The following ITIH5 variants were observed in gnomAD, a reference collection of about 807,000 sequenced individuals.
ITIH5 encodes inter-alpha-trypsin inhibitor heavy chain H5.
A neutral mutation model predicts 77.5 loss-of-function variants in ITIH5; 65 were observed. That is an observed-to-expected ratio of 0.84 (90% CI 0.69 to 1.03). The LOEUF is 1.03. Among genes scored for constraint, ITIH5 ranks in the 50% least tolerant of loss-of-function variants. The pLI, the probability that ITIH5 is intolerant of heterozygous loss-of-function variation, is 0.00. For synonymous variants in ITIH5, 525 were observed against 494.3 expected (o/e 1.06, Z -0.82); for missense variants, 1,208 against 1,213.1 (o/e 1.00, Z 0.06).
intron 7 of ITIH5, chr10:7,609,448 T>A (rs1833196845): frequency 2.2e-6 from 1 of 456,696 alleles, no homozygotes; most frequent in Non-Finnish European, 4.4e-6. Flanking sequence ...AATATCCAAA[T>A]AGCCCTTGGG....
chr10:7,620,786 GGA>G (rs1288307405), intron 5 of ITIH5: 2 of 152,170 alleles, frequency 1.3e-5, no homozygotes, highest in African/African-American at 4.8e-5. Context: ...TTAGGACCAG[GGA>G]GAGAGTTTCC....
intron 7 of ITIH5, among the ~76,000 whole-genome samples, chr10:7,593,465 ACCCCTGC>A (rs1832836278): frequency 3.3e-4 from 4 of 12,242 alleles, no homozygotes; most frequent in African/African-American, 7.3e-4. Context: ...AGCCCCACTC[ACCCCTGC>A]AGCCTGCAGC....
At chr10:7,618,938 G>C (rs1405585478) in intron 5 of ITIH5, 1 of 152,188 alleles carries the variant, frequency 6.6e-6, no homozygotes, top group Non-Finnish European at 1.5e-5. Flanking sequence ...TCTATTATTT[G>C]CACTTATCAA....
At chr10:7,630,311 G>A (rs777763228) in intron 5 of ITIH5, among the ~76,000 whole-genome samples, 4 of 152,200 alleles carry the variant, frequency 2.6e-5, no homozygotes, top group Non-Finnish European at 5.9e-5. Flanking sequence ...GTGATATTAG[G>A]TTTTCAGCAT....
At chr10:7,592,304 A>G (rs1028265000) in intron 7 of ITIH5, among the ~76,000 whole-genome samples, 2 of 152,234 alleles carry the variant, frequency 1.3e-5, no homozygotes, top group Admixed American at 6.5e-5. Context: ...CACACTGGAC[A>G]GGGAGTTCCT....
chr10:7,622,864 T>C (rs1833496582), intron 5 of ITIH5, among the ~76,000 whole-genome samples: 1 of 152,234 alleles, frequency 6.6e-6, no homozygotes, highest in Non-Finnish European at 1.5e-5. Context: ...CTCCAAGGAC[T>C]CTAAAGAAAG....
At position 7,566,179 on chromosome 10, in the gene ITIH5, T is replaced by C; in HGVS notation, c.2378A>G (p.Asn793Ser). 1 of 1,613,992 alleles carries C rather than the reference T, an allele frequency of 6.2e-7. No individual in the cohort carries two copies. Among genetic ancestry groups the C allele is most frequent in the Non-Finnish European group, 8.5e-7 (1 of 1,179,992 alleles). ...SWGLEVSVSA[N>S]ANVTVTIQGS... is the part of the protein sequence containing the mutation. Reference sequence around the variant, plus strand: ...CTGGATGGTGACGGTGACATTGGCGTTGGCAGACACGGACACCTCCAGCCC... The same window carrying C: ...CTGGATGGTGACGGTGACATTGGCGCTGGCAGACACGGACACCTCCAGCCC... Residue 793 changes from asparagine to serine, a missense_variant, in exon 13 of 14, where the codon AAC becomes AGC. By Grantham distance (46) the Asn-to-Ser change is conservative (BLOSUM62 1). Transcript: ENST00000397146.
At chr10:7,663,046 C>T (rs193050117) in intron 1 of ITIH5, among the ~76,000 whole-genome samples, 1 of 152,314 alleles carries the variant, frequency 6.6e-6, no homozygotes, top group Admixed American at 6.5e-5. Context: ...ATATATTGCA[C>T]ATCACCTATG....
chr10:7,590,874 G>GC (rs1358022438), intron 7 of ITIH5, among the ~76,000 whole-genome samples: 2 of 152,130 alleles, frequency 1.3e-5, no homozygotes, highest in African/African-American at 2.4e-5. Context: ...GCCCCTCGCT[G>GC]CCCTCAGCAT....
intron 8 of ITIH5, among the ~76,000 whole-genome samples, chr10:7,581,764 G>A (rs1336357780): frequency 1.1e-5 from 1 of 91,126 alleles, no homozygotes; most frequent in Non-Finnish European, 2.0e-5. Flanking sequence ...GTCTCACTAT[G>A]TTGCCCAGGC....
chr10:7,576,739 GC>G lies in ITIH5; in HGVS notation c.1691del (p.Gly564AlafsTer23). 1 of 1,613,838 alleles carries G rather than the reference GC, an allele frequency of 6.2e-7. No individual in the cohort carries two copies. The highest frequency in any genetic ancestry group is 1.1e-5 in the South Asian group (1 of 91,046). On this transcript the variant is annotated frameshift_variant, in exon 10 of 14. Coordinates refer to ENST00000397146, the MANE Select transcript of ITIH5 (RefSeq NM_030569.7). LOFTEE classifies it high-confidence loss of function. ...TGTGGTTGGTGTCCCCCTCTCCATC[GC>G]CTCCAGGCCTGGGGCTTCCTGTGAC... ...KDVTGSPRPGGDGEGDTNHIE... is the reference protein window; with the variant it reads ...KDVTGSPRPGXDGEGDTNHIE...
chr10:7,604,030 G>A (rs924819267), intron 7 of ITIH5, among the ~76,000 whole-genome samples: 11 of 152,162 alleles, frequency 7.2e-5, no homozygotes, highest in Admixed American at 1.3e-4. Flanking sequence ...TTGGTGCCAC[G>A]GCCCTGCAGG....
At chr10:7,573,102 CT>C in intron 11 of ITIH5, 39 bp downstream of exon 11, 1 of 1,587,470 alleles carries the variant, frequency 6.3e-7, no homozygotes, top group Non-Finnish European at 8.7e-7. Flanking sequence ...TTAAACATCT[CT>C]TACTCTCAAT....
intron 3 of ITIH5, among the ~76,000 whole-genome samples, chr10:7,641,680 A>AGGGAGGGAG (rs1564275819): frequency 1.4e-5 from 1 of 70,430 alleles, no homozygotes; most frequent in African/African-American, 6.6e-5. Context: ...GAGGCAGGGA[A>AGGGAGGGAG]GGAGGGAGGG....
intron 7 of ITIH5, among the ~76,000 whole-genome samples, chr10:7,615,098 T>G (rs1057422486): frequency 6.6e-6 from 1 of 151,896 alleles, no homozygotes; most frequent in Admixed American, 6.6e-5. Flanking sequence ...AATACAAAAA[T>G]TAGCCAGGTG....
intron 5 of ITIH5, among the ~76,000 whole-genome samples, chr10:7,629,827 T>C (rs61834793): frequency 0.18 from 26,972 of 152,194 alleles, 3,016 homozygotes; most frequent in Non-Finnish European, 0.25. Flanking sequence ...ATTTTGAATA[T>C]ATACCCAGAG....
chr10:7,650,261 T>C (rs898201387), intron 2 of ITIH5, among the ~76,000 whole-genome samples: 26 of 152,236 alleles, frequency 1.7e-4, no homozygotes, highest in African/African-American at 6.3e-4. Flanking sequence ...AACCTTTCAT[T>C]ATTTTCTTTC....
intron 5 of ITIH5, among the ~76,000 whole-genome samples, chr10:7,628,738 CGTGTGTCCATGTTGCAGCGT>C (rs1833635889): frequency 8.2e-6 from 1 of 121,422 alleles, no homozygotes; most frequent in African/African-American, 2.9e-5. Flanking sequence ...CATGTTGCAG[CGTGTGTCCATGTTGCAGCGT>C]GTGTCCATGT....
At position 7,586,146 on chromosome 10, in the gene ITIH5, C is replaced by T. The variant is rs535430691; in HGVS notation, c.940-77G>A. 511 of 776,052 alleles carry T rather than the reference C, an allele frequency of 6.6e-4. 2 individuals are homozygous for T. The African/African-American group carries it at 0.012, about 18-fold the overall frequency. 48.1% of individuals were successfully genotyped at this position (776,052 alleles called of 1,614,324 possible). On this transcript the variant is annotated intron_variant, in intron 7 of 13. Coordinates refer to ENST00000397146, the MANE Select transcript of ITIH5 (RefSeq NM_030569.7). ...TGTCCCCTGTTCTAGAAACCGCCCC[C>T]GCCCCCCAGGAAAAATGTCAGGGTT...
Sources: gnomAD v4.1 joint callset for allele counts (sites outside exome capture counted in the v4.1 genomes callset) on GRCh38, gnomAD v4.1.1 for gene constraint, MANE v1.5 for transcripts, NCBI Gene and HGNC (gene_info 2026-07-23, HGNC 2026-07-21) for gene names.